EFHD1: variants seen among roughly 807,000 people sequenced by gnomAD.
EFHD1 encodes the protein EF-hand domain family member D1, also known as EF-hand domain-containing protein D1.
In EFHD1, 10 loss-of-function variants were observed where a neutral mutation model predicts 17.2. That is an observed-to-expected ratio of 0.58 (90% CI 0.36 to 0.99). The LOEUF (loss-of-function observed/expected upper bound fraction) is 0.99, where lower values mean the gene tolerates loss of function less well. Ranked by LOEUF, EFHD1 falls within the 50% of genes least tolerant of loss-of-function variation. The pLI, the probability that EFHD1 is intolerant of heterozygous loss-of-function variation, is 0.01. For missense variants in EFHD1, 310 were observed against 327.5 expected, an observed-to-expected ratio of 0.95 and a Z score of 0.41; for synonymous variants, 153 against 142.0, an observed-to-expected ratio of 1.08 and a Z score of -0.55.
chr2:232,636,762 G>A (rs1303225164), intron 1 of EFHD1, among the ~76,000 whole-genome samples: 1 of 152,230 alleles, frequency 6.6e-6, no homozygotes, highest in African/African-American at 2.4e-5. Flanking sequence ...GGTGGAGGTT[G>A]CAGTGAGCCG....
At position 232,633,699 on chromosome 2, in the gene EFHD1, G is replaced by A; in HGVS notation, c.-6G>A. Reference sequence around the variant, plus strand: ...CCCGCGTTCCCGCGTCCTGCGATCCGCCGCCATGGCCAGTGAGGAGCTGGC... The same window carrying A: ...CCCGCGTTCCCGCGTCCTGCGATCCACCGCCATGGCCAGTGAGGAGCTGGC... On this transcript the variant is annotated 5_prime_UTR_variant, in exon 1 of 4. Coordinates refer to ENST00000264059, the MANE Select transcript of EFHD1 (RefSeq NM_025202.4). 2.1e-6 allele frequency: 3 copies of A among 1,429,200 alleles called. No individual in the cohort carries two copies. Among genetic ancestry groups the A allele is most frequent in the Non-Finnish European group, 1.8e-6 (2 of 1,102,162 alleles). 88.5% of individuals were successfully genotyped at this position (1,429,200 alleles called of 1,614,324 possible). A position where few individuals can be genotyped will look rare whatever the true frequency, so the allele number is the denominator to read the frequency against.
At chr2:232,656,674 C>T (rs1200381742) in intron 1 of EFHD1, among the ~76,000 whole-genome samples, 1 of 151,404 alleles carries the variant, frequency 6.6e-6, no homozygotes, top group African/African-American at 2.4e-5. Flanking sequence ...TGGGCTCAAA[C>T]AGTCCTCCCA....
At chr2:232,656,276 A>G (rs1344680310) in intron 1 of EFHD1, among the ~76,000 whole-genome samples, 3 of 151,724 alleles carry the variant, frequency 2.0e-5, no homozygotes, top group Non-Finnish European at 2.9e-5. Context: ...ACTATGATTT[A>G]TTTCGCCCAT....
At chr2:232,642,722 G>A (rs1296030026) in intron 1 of EFHD1, among the ~76,000 whole-genome samples, 1 of 152,074 alleles carries the variant, frequency 6.6e-6, no homozygotes, top group Non-Finnish European at 1.5e-5. Flanking sequence ...AGTGGAAGCC[G>A]ATGCTGTTCT....
intron 2 of EFHD1, among the ~76,000 whole-genome samples, chr2:232,664,606 G>GT (rs57219644): frequency 0.19 from 12,067 of 62,816 alleles, 1,556 homozygotes; most frequent in East Asian, 0.27. Context: ...CCCCAAAATA[G>GT]TTTTTTTTTT....
intron 1 of EFHD1, among the ~76,000 whole-genome samples, chr2:232,611,147 T>C (rs13012942): frequency 0.54 from 82,472 of 151,912 alleles, 23,787 homozygotes; most frequent in African/African-American, 0.72. Context: ...TACTGCATTC[T>C]GGCCTGGGCA....
At chr2:232,614,972 T>C (rs1382422370) in intron 1 of EFHD1, among the ~76,000 whole-genome samples, 2 of 152,034 alleles carry the variant, frequency 1.3e-5, no homozygotes, top group Non-Finnish European at 2.9e-5. Flanking sequence ...TGAGACTGTG[T>C]CTCAAAAAAG....
chr2:232,645,360 C>A (rs77287560), intron 1 of EFHD1, among the ~76,000 whole-genome samples: 2,029 of 152,214 alleles, frequency 0.013, 44 homozygotes, highest in East Asian at 0.079. Flanking sequence ...ACAGCAGAGA[C>A]CCCCACCCCA....
chr2:232,639,577 C>CTAGTATA (rs1694386410), intron 1 of EFHD1, among the ~76,000 whole-genome samples: 2 of 152,148 alleles, frequency 1.3e-5, no homozygotes, highest in African/African-American at 4.8e-5. Context: ...CCTGGACCAA[C>CTAGTATA]TAGTATATAG....
chr2:232,621,448 T>G (rs1694015939), intron 1 of EFHD1, among the ~76,000 whole-genome samples: 1 of 89,624 alleles, frequency 1.1e-5, no homozygotes, highest in South Asian at 2.5e-4. Flanking sequence ...ATTCTTTCGT[T>G]TTTTCTTTCT....
chr2:232,651,924 C>T (rs1461166965), intron 1 of EFHD1, among the ~76,000 whole-genome samples: 4 of 126,260 alleles, frequency 3.2e-5, no homozygotes, highest in South Asian at 5.4e-4. Flanking sequence ...AATCAAGTCT[C>T]ACTTCCCTAA....
At chr2:232,633,387 C>G (rs958175425), upstream of EFHD1, 2 of 1,080,316 alleles carry the variant, frequency 1.9e-6, no homozygotes, top group Non-Finnish European at 2.3e-6. Context: ...CTGCCTGGTC[C>G]CGGGGGGACG....
chr2:232,611,668 A>C (rs1284182648), intron 1 of EFHD1: 2 of 152,280 alleles, frequency 1.3e-5, no homozygotes, highest in Non-Finnish European at 2.9e-5. Context: ...AGGCAAGAAC[A>C]GTTCCAGCCC....
chr2:232,646,699 G>A lies in EFHD1; in HGVS notation c.302+12693G>A, dbSNP rs1011165514. ...ACCTCAGGTGATCCCCACCCACCTCGGTCCCAGAAAGTGCTGGGATTACAG... is the reference window on the plus strand; with the variant it reads ...ACCTCAGGTGATCCCCACCCACCTCAGTCCCAGAAAGTGCTGGGATTACAG... On this transcript the variant is annotated intron_variant, in intron 1 of 3. Transcript: ENST00000264059. Among the ~76,000 whole-genome samples the A allele has an allele frequency of 2.6e-5, 4 of 152,038 alleles. No individual in the cohort carries two copies. In the East Asian group the frequency reaches 5.8e-4, roughly 22 times the overall value.
chr2:232,616,192 C>T lies in EFHD1; in HGVS notation c.14+10019C>T, dbSNP rs553744580. The stretch of plus-strand genomic sequence containing the variant: ...TAGAGAAAACGCAGTATTACTCAGC[C>T]TTCGACAGGGAGGAAATTCTGACAC... On this transcript the variant is annotated intron_variant, in intron 1 of 3. Coordinates refer to the EFHD1 transcript ENST00000409613. 7.2e-4 allele frequency among the ~76,000 whole-genome samples: 110 copies of T among 152,294 alleles called. 1 individual carries two copies. The highest frequency in any genetic ancestry group is 1.0e-3 in the Non-Finnish European group (69 of 68,030).
chr2:232,669,798 A>G (rs1030460601), intron 2 of EFHD1, among the ~76,000 whole-genome samples: 1 of 151,878 alleles, frequency 6.6e-6, no homozygotes, highest in Non-Finnish European at 1.5e-5. Context: ...ACGGGGTTTC[A>G]CCATGTTGGT....
At chr2:232,635,166 C>G (rs1350435542) in intron 1 of EFHD1, among the ~76,000 whole-genome samples, 6 of 152,172 alleles carry the variant, frequency 3.9e-5, no homozygotes, top group Non-Finnish European at 8.8e-5. Flanking sequence ...AGGCCCAGTG[C>G]GCTAAAGAAT....
intron 1 of EFHD1, among the ~76,000 whole-genome samples, chr2:232,614,565 A>G (rs547124238): frequency 3.2e-4 from 49 of 152,258 alleles, no homozygotes; most frequent in Middle Eastern, 6.8e-3. Context: ...CCCACCAAAT[A>G]AGTCTGCTTT....
At chr2:232,651,200 C>T (rs1378118956) in intron 1 of EFHD1, among the ~76,000 whole-genome samples, 2 of 152,168 alleles carry the variant, frequency 1.3e-5, no homozygotes, top group East Asian at 3.9e-4. Context: ...CCCAGGCCTC[C>T]CACTTTCAGG....
Sources: gnomAD v4.1 joint callset for allele counts (sites outside exome capture counted in the v4.1 genomes callset) on GRCh38, gnomAD v4.1.1 for gene constraint, MANE v1.5 for transcripts, NCBI Gene and HGNC (gene_info 2026-07-23, HGNC 2026-07-21) for gene names.